Variants in DCLRE1C observed in about 807,000 individuals in gnomAD.
DCLRE1C encodes the protein protein artemis.
DCLRE1C carries 47 observed loss-of-function variants against 61.4 expected under a neutral mutation model. The ratio of observed to expected loss-of-function variants is 0.77; its 90% CI spans 0.61 to 0.98. The LOEUF (loss-of-function observed/expected upper bound fraction) is 0.98. DCLRE1C is among the 50% of genes least tolerant of loss of function. The pLI, the probability that DCLRE1C is intolerant of heterozygous loss-of-function variation, is 0.00. For synonymous variants in DCLRE1C, 337 were observed against 287.6 expected (o/e 1.17, Z -1.74); for missense variants, 858 against 816.0 (o/e 1.05, Z -0.63).
At chr10:14,926,026 C>T (rs866046703) in intron 11 of DCLRE1C, among the ~76,000 whole-genome samples, 2 of 152,256 alleles carry the variant, frequency 1.3e-5, no homozygotes, top group South Asian at 2.1e-4. Flanking sequence ...TTCTTGCTGC[C>T]GCCATGTGAA....
chr10:14,904,314 A>ATT (rs1834217177), downstream of DCLRE1C: 1 of 144,388 alleles, frequency 6.9e-6, no homozygotes, highest in Non-Finnish European at 1.5e-5. Context: ...AAAAAAAAAA[A>ATT]ATTTTTTTTT....
chr10:14,909,120 T>C lies in DCLRE1C; in HGVS notation c.1367A>G (p.Asn456Ser), dbSNP rs1834816471. The C allele has an allele frequency of 3.1e-6, 5 of 1,614,228 alleles. No homozygotes were observed. Among genetic ancestry groups the C allele is most frequent in the Non-Finnish European group, 4.2e-6 (5 of 1,180,036 alleles). ...TCCTACTTCTTCTTCACTTTCACTG[T>C]TGGATTCTTCACAATCTACAAAGTT... ...FTNFVDCEES[N>S]SESEEEVGIP... Residue 456 changes from asparagine (N) to serine (S), a missense_variant, in exon 14 of 14, where the codon AAC (asparagine) becomes AGC (serine). Coordinates refer to ENST00000378278, the MANE Select transcript of DCLRE1C (RefSeq NM_001033855.3).
intron 9 of DCLRE1C, among the ~76,000 whole-genome samples, chr10:14,932,015 C>T (rs1333004731): frequency 6.6e-6 from 1 of 152,066 alleles, no homozygotes; most frequent in African/African-American, 2.4e-5. Flanking sequence ...ACCTGGGCAA[C>T]AGAGCAAGGC....
chr10:14,916,844 C>A (rs1465389730), intron 13 of DCLRE1C, among the ~76,000 whole-genome samples: 1 of 152,144 alleles, frequency 6.6e-6, no homozygotes, highest in African/African-American at 2.4e-5. Context: ...CCAAATTGAT[C>A]AACAGATTTA....
chr10:14,924,918 C>G (rs1837709767), intron 11 of DCLRE1C, among the ~76,000 whole-genome samples: 1 of 150,934 alleles, frequency 6.6e-6, no homozygotes, highest in Admixed American at 6.6e-5. Context: ...AATGAGAACA[C>G]AAAGACTTTT....
exon 14 of DCLRE1C, chr10:14,899,226 A>G (rs1344249867): frequency 1.4e-6 from 1 of 702,224 alleles, no homozygotes; most frequent in South Asian, 1.5e-5. Flanking sequence ...AGGCTGAGGC[A>G]GGAAGATCGC....
rs1834864471 is a variant in DCLRE1C, at chr10:14,909,345, A to AAAC, written c.1157-18_1157-16dup. ...ATCTTCCTCCTCTGTGGGACAAACA[A>AAAC]AACAGGTTTATAGGAAACAAGGCAA... is the stretch of plus-strand genomic sequence containing the variant. On this transcript the variant is annotated splice_polypyrimidine_tract_variant and intron_variant, in intron 13 of 13. Coordinates refer to ENST00000378278, the MANE Select transcript of DCLRE1C (RefSeq NM_001033855.3). 1 of 1,611,314 alleles carries AAAC rather than the reference A, an allele frequency of 6.2e-7. No homozygotes were observed. Among genetic ancestry groups the AAAC allele is most frequent in the Non-Finnish European group, 8.5e-7 (1 of 1,179,194 alleles).
downstream of DCLRE1C, among the ~76,000 whole-genome samples, chr10:14,901,789 C>T (rs1834039142): frequency 6.6e-6 from 1 of 151,704 alleles, no homozygotes; most frequent in Non-Finnish European, 1.5e-5. Flanking sequence ...CTGTGAATAG[C>T]ACCACTGCAC....
chr10:14,944,901 C>T (rs562995871), intron 3 of DCLRE1C, among the ~76,000 whole-genome samples: 2 of 152,024 alleles, frequency 1.3e-5, no homozygotes, highest in Non-Finnish European at 2.9e-5. Context: ...TCATGAACTC[C>T]TGACCTCAAG....
chr10:14,938,134 A>G (rs1334656613), intron 4 of DCLRE1C, among the ~76,000 whole-genome samples: 1 of 152,088 alleles, frequency 6.6e-6, no homozygotes, highest in Admixed American at 6.6e-5. Context: ...TTGGAGCTGG[A>G]TAAACAATGC....
downstream of DCLRE1C, chr10:14,902,526 A>G (rs774454396): frequency 2.3e-5 from 34 of 1,471,944 alleles, no homozygotes; most frequent in East Asian, 2.3e-4. Context: ...TTTTCAGGAA[A>G]TAGAGCTGAT....
At chr10:14,899,214 G>A (rs1833819114) in exon 14 of DCLRE1C, 1 of 702,040 alleles carries the variant, frequency 1.4e-6, no homozygotes, top group African/African-American at 1.7e-5. Context: ...CAGCTAGTCA[G>A]GAGGCTGAGG....
intron 13 of DCLRE1C, among the ~76,000 whole-genome samples, chr10:14,914,525 T>C (rs150025608): frequency 9.4e-4 from 143 of 152,352 alleles, no homozygotes; most frequent in African/African-American, 3.4e-3. Context: ...AGTTGACATT[T>C]ATAGAACACT....
chr10:14,950,637 C>T (rs1295922824), intron 1 of DCLRE1C, among the ~76,000 whole-genome samples: 2 of 152,198 alleles, frequency 1.3e-5, no homozygotes, highest in African/African-American at 4.8e-5. Context: ...TATCCCTGGG[C>T]AGCATTCTCC....
rs1450983086 is a variant in DCLRE1C at position 14,906,184 on chromosome 10, C to T, written c.*2224G>A. 6.6e-6 allele frequency among the ~76,000 whole-genome samples: 1 copy of T among 152,138 alleles called. No individual in the cohort carries two copies. The highest frequency in any genetic ancestry group is 6.5e-5 in the Admixed American group (1 of 15,282). The stretch of plus-strand genomic sequence containing the variant: ...TGTGCCTCATAGCTATGTGAACTAA[C>T]CTCTGTGCCTTTGTCTCATTTGTAC... On this transcript the variant is annotated 3_prime_UTR_variant, in exon 14 of 14. Transcript: ENST00000378278.
intron 3 of DCLRE1C, among the ~76,000 whole-genome samples, chr10:14,944,673 CTTTTT>C (rs1165126470): frequency 1.7e-5 from 2 of 117,724 alleles, no homozygotes; most frequent in Non-Finnish European, 1.8e-5. Flanking sequence ...TTTTTTTTTT[CTTTTT>C]TTTTTTTTTT....
intron 13 of DCLRE1C, among the ~76,000 whole-genome samples, chr10:14,909,736 G>T (rs967392065): frequency 6.6e-5 from 10 of 152,176 alleles, no homozygotes; most frequent in African/African-American, 2.4e-4. Flanking sequence ...CAAAGCCTGT[G>T]TGCTCTGCAA....
Position 14,907,592 on chromosome 10 carries a change from A to G in DCLRE1C, c.*816T>C, listed in dbSNP as rs776324687. ...ATAAATTTTTGGAGCTGTTAGGTGCATATACGTTTAGGATTATTTTGTCTT... is the reference window on the plus strand; with the variant it reads ...ATAAATTTTTGGAGCTGTTAGGTGCGTATACGTTTAGGATTATTTTGTCTT... On this transcript the variant is annotated 3_prime_UTR_variant, in exon 14 of 14. Coordinates refer to ENST00000378278, the MANE Select transcript of DCLRE1C (RefSeq NM_001033855.3). 6.6e-6 allele frequency among the ~76,000 whole-genome samples: 1 copy of G among 152,040 alleles called. No individual in the cohort carries two copies. The highest frequency in any genetic ancestry group is 1.5e-5 in the Non-Finnish European group (1 of 68,010).
At position 14,905,083 on chromosome 10, in the gene DCLRE1C, C is replaced by T. The variant is rs1834280843; in HGVS notation, c.*3325G>A. Reference sequence around the variant, plus strand: ...TTTGTTTCTGTTTTACAGTCATTTCCAGTAAGACTATAAAAGGGGCAGAAA... The same window carrying T: ...TTTGTTTCTGTTTTACAGTCATTTCTAGTAAGACTATAAAAGGGGCAGAAA... On this transcript the variant is annotated 3_prime_UTR_variant, in exon 14 of 14. Transcript: ENST00000378278. Among the ~76,000 whole-genome samples, 1 of 152,166 alleles carries T rather than the reference C, an allele frequency of 6.6e-6. No homozygotes were observed. Among genetic ancestry groups the T allele is most frequent in the Non-Finnish European group, 1.5e-5 (1 of 68,022 alleles).
Sources: allele counts gnomAD v4.1 joint callset (sites outside exome capture counted in the v4.1 genomes callset), GRCh38; gene constraint gnomAD v4.1.1; transcripts MANE v1.5; gene names NCBI Gene and HGNC (gene_info 2026-07-23, HGNC 2026-07-21).